MORN1: variants seen among roughly 807,000 people sequenced by gnomAD.
MORN1 encodes the protein MORN repeat containing 1.
MORN1 carries 67 observed loss-of-function variants against 61.9 expected under a neutral mutation model. That is an observed-to-expected ratio of 1.08 (90% CI 0.89 to 1.33). The LOEUF is 1.33. Ranked by LOEUF, MORN1 falls within the 40% of genes most tolerant of loss-of-function variation. The probability of loss-of-function intolerance (pLI) is 0.00; values close to 1 mark genes in which losing one functional copy is unlikely to be tolerated. For missense variants in MORN1, 752 were observed against 691.2 expected, an observed-to-expected ratio of 1.09 and a Z score of -0.99; for synonymous variants, 301 against 292.0, an observed-to-expected ratio of 1.03 and a Z score of -0.31.
At chr1:2,333,519 G>A (rs1306912511) in intron 12 of MORN1, among the ~76,000 whole-genome samples, 1 of 152,198 alleles carries the variant, frequency 6.6e-6, no homozygotes, top group Non-Finnish European at 1.5e-5. Context: ...TCAGTCACAG[G>A]GCCACACTGT....
At chr1:2,384,555 G>A (rs141411037) in intron 6 of MORN1, among the ~76,000 whole-genome samples, 3 of 152,332 alleles carry the variant, frequency 2.0e-5, no homozygotes, top group Non-Finnish European at 4.4e-5. Flanking sequence ...TCTCCTCTCC[G>A]TACCAGGAAG....
At chr1:2,377,830 TCTGG>T (rs1320080094) in intron 6 of MORN1, 3 of 152,232 alleles carry the variant, frequency 2.0e-5, no homozygotes, top group Non-Finnish European at 2.9e-5. Context: ...GGTGCTGTGG[TCTGG>T]AGAAAGTAAC....
intron 10 of MORN1, among the ~76,000 whole-genome samples, chr1:2,339,605 C>A (rs1019097935): frequency 6.6e-6 from 1 of 152,220 alleles, no homozygotes; most frequent in Non-Finnish European, 1.5e-5. Context: ...GTACCTGGAC[C>A]CCCAAGGCTC....
At chr1:2,342,633 G>A (rs1035081765) in intron 10 of MORN1, among the ~76,000 whole-genome samples, 6 of 151,750 alleles carry the variant, frequency 4.0e-5, no homozygotes, top group South Asian at 2.1e-4. Context: ...CCCGGGCTTC[G>A]TCCTCACCTC....
chr1:2,331,011 C>T (rs535588885), intron 12 of MORN1, among the ~76,000 whole-genome samples: 81 of 152,346 alleles, frequency 5.3e-4, no homozygotes, highest in Non-Finnish European at 7.5e-4. Context: ...TCTGCAGGAA[C>T]GCAGCCAGAG....
At chr1:2,332,063 T>C (rs12752072) in intron 12 of MORN1, 28,437 of 152,452 alleles carry the variant, frequency 0.19, 5,105 homozygotes, top group African/African-American at 0.43. Context: ...CTTTTCATCT[T>C]TGTCGATTTT....
At chr1:2,390,362 C>T (rs1244365082) in intron 1 of MORN1, 16 of 940,070 alleles carry the variant, frequency 1.7e-5, no homozygotes, top group East Asian at 1.2e-4. Flanking sequence ...GAAGGCAGAG[C>T]GGCAGTGTCA....
intron 10 of MORN1, chr1:2,352,179 T>G: frequency 4.0e-6 from 1 of 253,064 alleles, no homozygotes; most frequent in South Asian, 6.3e-5. Flanking sequence ...AATAAATGTA[T>G]AGAGCAATTA....
At chr1:2,335,519 C>G (rs551312701) in intron 12 of MORN1, among the ~76,000 whole-genome samples, 22 of 152,298 alleles carry the variant, frequency 1.4e-4, no homozygotes, top group African/African-American at 5.1e-4. Flanking sequence ...GGTTCTCCAC[C>G]CACCTGCCTT....
rs1641578753 is a variant in MORN1, at chr1:2,348,736, C to CGCACA, written c.1036+8695_1036+8696insTGTGC. Among the ~76,000 whole-genome samples the CGCACA allele has an allele frequency of 1.5e-5, 2 of 137,616 alleles. 1 individual carries two copies. Among genetic ancestry groups the CGCACA allele is most frequent in the South Asian group, 4.7e-4 (2 of 4,280 alleles). 90.3% of individuals were successfully genotyped at this position (137,616 alleles called of 152,430 possible). On this transcript the variant is annotated intron_variant, in intron 10 of 13. Transcript: ENST00000378531. Reference sequence around the variant, plus strand: ...ACCTGCGCGGGCACGCACACGCACACCTGCGCGGGCACGCACACACACGCA... The same window carrying CGCACA: ...ACCTGCGCGGGCACGCACACGCACACGCACACTGCGCGGGCACGCACACACACGCA...
intron 12 of MORN1, among the ~76,000 whole-genome samples, chr1:2,325,213 T>TTCTTTTCTTTC (rs1419767182): frequency 1.8e-5 from 1 of 55,888 alleles, no homozygotes; most frequent in Non-Finnish European, 3.7e-5. Flanking sequence ...TTTTTCTTTC[T>TTCTTTTCTTTC]TCTTTTCTTT....
chr1:2,387,327 CCT>C, intron 4 of MORN1, 90 bp downstream of exon 4: 4 of 916,810 alleles, frequency 4.4e-6, no homozygotes, highest in Non-Finnish European at 5.4e-6. Flanking sequence ...TCAGGCAGGC[CCT>C]CTCAGAGGTT....
intron 8 of MORN1, among the ~76,000 whole-genome samples, chr1:2,363,848 ATGGAATCAT>A (rs1641948734): frequency 1.3e-5 from 2 of 150,896 alleles, no homozygotes; most frequent in Admixed American, 6.6e-5. Context: ...AGATGATAAA[ATGGAATCAT>A]AAAAAATGCC....
chr1:2,385,895 G>T lies in MORN1; in HGVS notation c.361C>A (p.His121Asn), dbSNP rs760115552. 6.2e-7 allele frequency: 1 copy of T among 1,613,854 alleles called. No homozygotes were observed. Among genetic ancestry groups the T allele is most frequent in the Non-Finnish European group, 8.5e-7 (1 of 1,179,932 alleles). Residue 121 changes from histidine to asparagine, a missense_variant and splice_region_variant, in exon 5 of 14, where the codon CAC becomes AAC. Transcript: ENST00000378531. The part of the protein sequence containing the change: ...GEVSHGMREG[H>N]GFLVDRDGQV... ...CCATCCCGGTCCACCAGAAACCCGT[G>T]TCCTGGAGAAGGGACCGAGAGACAG...
At chr1:2,373,012 G>C (rs1642156313) in intron 7 of MORN1, among the ~76,000 whole-genome samples, 1 of 152,238 alleles carries the variant, frequency 6.6e-6, no homozygotes, top group Non-Finnish European at 1.5e-5. Context: ...GCAAGGCCTG[G>C]CAAGGGTGGG....
chr1:2,356,684 A>G (rs936837106), intron 10 of MORN1, among the ~76,000 whole-genome samples: 1 of 152,208 alleles, frequency 6.6e-6, no homozygotes, highest in African/African-American at 2.4e-5. Context: ...AACGCTGTCA[A>G]GACTGTTCCC....
rs750153953 is a variant in MORN1 at position 2,336,759 on chromosome 1, C to T, written c.1128G>A (p.Pro376=). ...EFTDVLLGPP[P]PGYHPFLFLD... is the part of the protein sequence containing the mutation. ...GGAACAGGAAGGGGTGGTACCCAGG[C>T]GGGGGCGGCCCCAGGAGGACATCTG... is the stretch of plus-strand genomic sequence containing the variant. Residue 376 remains proline (P), a synonymous_variant, in exon 11 of 14, where the codon CCG becomes CCA. Transcript: ENST00000378531. 2.7e-5 allele frequency: 43 copies of T among 1,600,868 alleles called. No homozygotes were observed. The highest frequency in any genetic ancestry group is 5.1e-5 in the Admixed American group (3 of 58,428).
intron 3 of MORN1, chr1:2,387,892 T>A: frequency 2.4e-6 from 1 of 414,336 alleles, no homozygotes; most frequent in Non-Finnish European, 4.4e-6. Flanking sequence ...CCCTCTGGCG[T>A]GAGGGTCTGA....
At position 2,321,537 on chromosome 1, in the gene MORN1, A is replaced by T. The variant is rs752163673; in HGVS notation, c.1340T>A (p.Phe447Tyr). Residue 447 changes from phenylalanine (F) to tyrosine (Y), a missense_variant, in exon 14 of 14, where the codon TTC becomes TAC. Physicochemically the swap from Phe to Tyr is conservative, Grantham distance 22. Coordinates refer to ENST00000378531, the MANE Select transcript of MORN1 (RefSeq NM_024848.3). ...LMIRDVTTPP[F>Y]LGRRLPPAFK... is the part of the protein sequence containing the mutation. ...GGCCGGGGGCAGCCTGCGCCCCAGG[A>T]ACGGCGGGGTGGTCACGTCGCGGAT... 1.7e-5 allele frequency: 26 copies of T among 1,530,652 alleles called. No individual in the cohort carries two copies. The South Asian group carries it at 3.2e-4, about 19-fold the overall frequency. 94.8% of individuals were successfully genotyped at this position (1,530,652 alleles called of 1,614,324 possible). A position where few individuals can be genotyped will look rare whatever the true frequency, so the allele number is the denominator to read the frequency against.
Sources: allele counts gnomAD v4.1 joint callset (sites outside exome capture counted in the v4.1 genomes callset), GRCh38; gene constraint gnomAD v4.1.1; transcripts MANE v1.5; gene names NCBI Gene and HGNC (gene_info 2026-07-23, HGNC 2026-07-21).